The following DIDO1 variants were observed in gnomAD, a reference collection of about 807,000 sequenced individuals.
DIDO1 encodes death-inducer obliterator 1.
DIDO1 carries 16 observed loss-of-function variants against 99.4 expected under a neutral mutation model. That is an observed-to-expected ratio of 0.16 (90% CI 0.11 to 0.24). DIDO1 has a LOEUF of 0.24. DIDO1 is among the 10% of genes least tolerant of loss of function. The pLI is 1.00. For missense variants in DIDO1, 2,996 were observed against 3,014.0 expected, an observed-to-expected ratio of 0.99 and a Z score of 0.14; for synonymous variants, 1,366 against 1,239.1, an observed-to-expected ratio of 1.10 and a Z score of -2.15.
At position 62,880,162 on chromosome 20, in the gene DIDO1, T is replaced by G. The variant is rs773782943; in HGVS notation, c.5794A>C (p.Ser1932Arg). 6.2e-7 allele frequency: 1 copy of G among 1,612,328 alleles called. No homozygotes were observed. Among genetic ancestry groups the G allele is most frequent in the East Asian group, 2.2e-5 (1 of 44,840 alleles). The change falls in exon 16 of 16, where the codon AGT (serine) becomes CGT (arginine). Residue 1932 changes from serine (S) to arginine (R), a missense_variant. Ser to Arg is a moderately radical substitution (Grantham distance 110). Transcript: ENST00000395343. ...GGGCCCCGGGCAGTTTCAAACTGAC[T>G]AGGATGGGGCCCTCTTGGGCCCACG... ...HFVGPRGPHP[S>R]QFETARGPHP...
intron 6 of DIDO1, chr20:62,905,380 T>C (rs2064778427): frequency 2.1e-6 from 3 of 1,451,812 alleles, no homozygotes; most frequent in South Asian, 1.5e-5. Flanking sequence ...AAAATAAATG[T>C]ACACCTGAAA....
intron 15 of DIDO1, among the ~76,000 whole-genome samples, chr20:62,884,778 C>G (rs1398681898): frequency 6.6e-6 from 1 of 152,174 alleles, no homozygotes; most frequent in Non-Finnish European, 1.5e-5. Flanking sequence ...CTGGACAGAG[C>G]TGAGATTCCC....
intron 14 of DIDO1, 105 bp downstream of exon 14, chr20:62,891,882 G>T: frequency 2.2e-6 from 2 of 913,028 alleles, no homozygotes; most frequent in Non-Finnish European, 3.3e-6. Context: ...TAAGCTACAG[G>T]CTAACATTTT....
In DIDO1 at chr20:62,911,686, C is replaced by T. The variant is rs1052647238; in HGVS notation, c.-2-72G>A. ...AAAGGTGACATTGCCGCCAAACACG[C>T]GCAGCAGGGGCCACCTCCCTACAAA... On this transcript the variant is annotated intron_variant, in intron 2 of 15. Transcript: ENST00000395343. This position sits in a 1 kb window ranked among gnomAD's most constrained non-coding sequence, Gnocchi z 7.0. 22 of 1,384,106 alleles carry T rather than the reference C, an allele frequency of 1.6e-5. No homozygotes were observed. The highest frequency in any genetic ancestry group is 2.9e-5 in the African/African-American group (2 of 69,110). The allele number at this position is 1,384,106 out of a possible 1,614,324, so 85.7% of individuals were successfully genotyped here. A position where few individuals can be genotyped will look rare whatever the true frequency, so the allele number is the denominator to read the frequency against.
chr20:62,934,258 C>T (rs1050536174), intron 1 of DIDO1, among the ~76,000 whole-genome samples: 14 of 152,222 alleles, frequency 9.2e-5, no homozygotes, highest in Admixed American at 7.9e-4. Context: ...TCTCCCTCCA[C>T]CCATCCCTTC....
At chr20:62,904,214 T>C (rs563861935) in intron 6 of DIDO1, among the ~76,000 whole-genome samples, 233 of 101,464 alleles carry the variant, frequency 2.3e-3, no homozygotes, top group African/African-American at 0.013. Context: ...GCATTAAAAA[T>C]CCCTCTCTGC....
At chr20:62,895,594 A>G (rs1431156740) in intron 8 of DIDO1, among the ~76,000 whole-genome samples, 2 of 152,250 alleles carry the variant, frequency 1.3e-5, no homozygotes, top group Non-Finnish European at 2.9e-5. Context: ...GTGAGATGCA[A>G]AGTCAGGGTA....
chr20:62,906,198 T>A (rs545103406), intron 5 of DIDO1, 98 bp from the exon 6 acceptor site: 1 of 1,454,050 alleles, frequency 6.9e-7, no homozygotes, highest in Non-Finnish European at 9.2e-7. Context: ...AATGTCTTCC[T>A]GAGGCCATCT....
rs746753749 is a variant in DIDO1, at chr20:62,896,992, C to T, written c.1593G>A (p.Thr531=). The T allele has an allele frequency of 6.8e-6, 11 of 1,610,028 alleles. No individual in the cohort carries two copies. The highest frequency in any genetic ancestry group is 1.1e-5 in the South Asian group (1 of 90,722). ...TCTCCTCGGACCTCCTGTCTTCCTTCGTGGCTACAAAGAAGAACACAGGCG... is the reference window on the plus strand; with the variant it reads ...TCTCCTCGGACCTCCTGTCTTCCTTTGTGGCTACAAAGAAGAACACAGGCG... ...APSPSLLYKS[T]KEDRRSEEKA... Residue 531 remains threonine, a synonymous_variant, in exon 7 of 16, where the codon ACG becomes ACA. Transcript: ENST00000395343. This position sits in a 1 kb window ranked among gnomAD's most constrained non-coding sequence, Gnocchi z 4.4.
chr20:62,893,630 AG>A (rs757580118), intron 12 of DIDO1, 35 bp downstream of exon 12: 6 of 1,517,118 alleles, frequency 4.0e-6, no homozygotes, highest in Non-Finnish European at 5.3e-6. Flanking sequence ...CTAAAAAAAA[AG>A]TTTGGCTTGT....
Position 62,905,925 on chromosome 20 carries a change from T to C in DIDO1, c.1550A>G (p.Glu517Gly). ...SDHNYNAVKP[E>G]KTAAPSPSLL... ...TGACGGCGAGGGAGCAGCAGTCTTT[T>C]CTGGCTTTACTGCATTGTAATTGTG... Residue 517 changes from glutamate to glycine, a missense_variant, in exon 6 of 16, where the codon GAA (glutamate) becomes GGA (glycine). Around this residue, in one of 5 missense-constraint regions of DIDO1, gnomAD observed 898 missense variants for 972.7 expected, o/e 0.92. Coordinates refer to ENST00000395343, the MANE Select transcript of DIDO1 (RefSeq NM_001193369.2). 6.2e-7 allele frequency: 1 copy of C among 1,614,116 alleles called. No homozygotes were observed. The highest frequency in any genetic ancestry group is 8.5e-7 in the Non-Finnish European group (1 of 1,180,016).
At chr20:62,892,557 G>A (rs773829551) in intron 13 of DIDO1, among the ~76,000 whole-genome samples, 2 of 152,196 alleles carry the variant, frequency 1.3e-5, no homozygotes, top group African/African-American at 2.4e-5. Context: ...CAGCGAAACC[G>A]ATCACTGAGA....
At position 62,881,991 on chromosome 20, in the gene DIDO1, AAG is replaced by A. The variant is rs781631041; in HGVS notation, c.3963_3964del (p.Phe1322TrpfsTer52). ...CGGGTCGAATGATTTCTTCTTTCCA[AAG>A]AGAGTCTGCAGGATGTGCTCCAGCG... On this transcript the variant is annotated frameshift_variant, in exon 16 of 16. Transcript: ENST00000395343. LOFTEE classifies it low-confidence loss of function (END_TRUNC). This position sits in a 1 kb window ranked among gnomAD's most constrained non-coding sequence, Gnocchi z 8.3. The A allele has an allele frequency of 1.2e-6, 2 of 1,613,474 alleles. No individual in the cohort carries two copies. Among genetic ancestry groups the A allele is most frequent in the South Asian group, 1.1e-5 (1 of 91,074 alleles).
At chr20:62,902,471 T>C (rs2064704881) in intron 6 of DIDO1, among the ~76,000 whole-genome samples, 1 of 152,080 alleles carries the variant, frequency 6.6e-6, no homozygotes, top group East Asian at 1.9e-4. Flanking sequence ...AGGAGACAGA[T>C]AAAAAAAGAG....
At chr20:62,886,432 C>T (rs770795999) in intron 15 of DIDO1, among the ~76,000 whole-genome samples, 1 of 152,176 alleles carries the variant, frequency 6.6e-6, no homozygotes, top group African/African-American at 2.4e-5. Flanking sequence ...TCAGACCACA[C>T]GCACAGGAAA....
intron 1 of DIDO1, among the ~76,000 whole-genome samples, chr20:62,922,196 G>C (rs200533820): frequency 6.9e-5 from 6 of 86,954 alleles, no homozygotes; most frequent in African/African-American, 1.8e-4. Context: ...GTGTGTGTGT[G>C]TATATATATA....
At chr20:62,887,845 G>T (rs922333744) in intron 15 of DIDO1, 1 of 985,536 alleles carries the variant, frequency 1.0e-6, no homozygotes, top group Non-Finnish European at 1.2e-6. Flanking sequence ...GGTGGAGAAG[G>T]TCACCTGGAA....
intron 1 of DIDO1, 53 bp downstream of exon 1, chr20:62,926,386 C>T (rs1056641733): frequency 6.6e-6 from 1 of 152,022 alleles, no homozygotes; most frequent in Admixed American, 6.6e-5. Flanking sequence ...GAGGGCGGCC[C>T]AAGCGGCGGC....
At position 62,881,996 on chromosome 20, in the gene DIDO1, A is replaced by G. The variant is rs768524936; in HGVS notation, c.3960T>C (p.Thr1320=). The change falls in exon 16 of 16, where the codon ACT becomes ACC. Residue 1320 remains threonine (T), a synonymous_variant. Coordinates refer to ENST00000395343, the MANE Select transcript of DIDO1 (RefSeq NM_001193369.2). The surrounding 1 kb of genome is among the most constrained non-coding windows in gnomAD (Gnocchi z 8.3). ...CGAATGATTTCTTCTTTCCAAAGAG[A>G]GTCTGCAGGATGTGCTCCAGCGGTG... The part of the protein sequence containing the change: ...TASPLEHILQ[T]LFGKKKSFDP... 6.2e-7 allele frequency: 1 copy of G among 1,613,466 alleles called. No homozygotes were observed. Among genetic ancestry groups the G allele is most frequent in the East Asian group, 2.2e-5 (1 of 44,886 alleles).
Sources: allele counts gnomAD v4.1 joint callset (sites outside exome capture counted in the v4.1 genomes callset), GRCh38; gene constraint gnomAD v4.1.1; regional missense constraint gnomAD v4.1.1; non-coding constraint Gnocchi (gnomAD v3.1); transcripts MANE v1.5; gene names NCBI Gene and HGNC (gene_info 2026-07-23, HGNC 2026-07-21).